Variants in UNC45A observed in about 807,000 individuals in gnomAD.
UNC45A encodes the protein protein unc-45 homolog A.
Under a neutral mutation model 103.2 loss-of-function variants are expected in UNC45A, and 78 were observed. That is an observed-to-expected ratio of 0.76 (90% CI 0.63 to 0.91). The LOEUF (loss-of-function observed/expected upper bound fraction) is 0.91. Among genes scored for constraint, UNC45A ranks in the 40% least tolerant of loss-of-function variants. The pLI is 0.00. For synonymous variants in UNC45A, 495 were observed against 504.6 expected, an observed-to-expected ratio of 0.98 and a Z score of 0.25; for missense variants, 1,193 against 1,224.8, an observed-to-expected ratio of 0.97 and a Z score of 0.39.
chr15:90,942,766 T>A, intron 7 of UNC45A, 146 bp from the exon 8 acceptor site: 2 of 1,480,530 alleles, frequency 1.4e-6, no homozygotes, highest in Non-Finnish European at 1.8e-6. Flanking sequence ...GCAACCAAGG[T>A]GCCTCAGGAC....
intron 13 of UNC45A, 81 bp downstream of exon 13, chr15:90,948,875 CTTTTTTTTTTT>C (rs5814443): frequency 5.7e-5 from 56 of 985,244 alleles, no homozygotes; most frequent in Non-Finnish European, 7.3e-5. Flanking sequence ...AACAACCTCC[CTTTTTTTTTTT>C]TTTTTTTTTT....
chr15:90,939,877 A>ATAGCACCCTTCACCCATG (rs3841498), intron 5 of UNC45A, 54 bp downstream of exon 5: 83,837 of 1,555,170 alleles, frequency 0.054, 10,061 homozygotes, highest in East Asian at 0.41. Flanking sequence ...CCACCCATCC[A>ATAGCACCCTTCACCCATG]TAGGCCCCCG....
intron 2 of UNC45A, 92 bp from the exon 3 acceptor site, chr15:90,935,854 G>C: frequency 1.3e-6 from 2 of 1,593,986 alleles, no homozygotes; most frequent in Admixed American, 1.7e-5. Context: ...GGGGGATCGG[G>C]TGACCTTGGA....
intron 6 of UNC45A, among the ~76,000 whole-genome samples, chr15:90,942,074 C>A (rs11630809): frequency 6.6e-6 from 1 of 151,946 alleles, no homozygotes; most frequent in African/African-American, 2.4e-5. Context: ...AGGGTTTAGA[C>A]TGGGGAAGAA....
Position 90,953,651 on chromosome 15 carries a change from G to A in UNC45A, c.2770G>A (p.Ala924Thr). The A allele has an allele frequency of 6.2e-7, 1 of 1,614,152 alleles. No homozygotes were observed. Among genetic ancestry groups the A allele is most frequent in the East Asian group, 2.2e-5 (1 of 44,888 alleles). ...TGACCACAGCCCTGTCACAAGGGCT[G>A]CTGCAGCCTGCCTGGACAAAGCAGT... is the stretch of plus-strand genomic sequence containing the variant. ...KGDHSPVTRAAAACLDKAVEY... is the reference protein window; with the variant it reads ...KGDHSPVTRATAACLDKAVEY... The change falls in exon 20 of 20, where the codon GCT (alanine) becomes ACT (threonine). Residue 924 changes from alanine to threonine, a missense_variant. By Grantham distance (58) the Ala-to-Thr change is moderately conservative (BLOSUM62 0). Coordinates refer to ENST00000418476, the MANE Select transcript of UNC45A (RefSeq NM_018671.5).
In UNC45A at chr15:90,940,291, C is replaced by G; in HGVS notation, c.520-15C>G. On this transcript the variant is annotated splice_polypyrimidine_tract_variant and intron_variant, in intron 5 of 19. Transcript: ENST00000418476. ...TGTGCAGTGTCAACATTATAATGTG[C>G]TTCCTTTGACGCAGGCTTCTCAGAA... 2.5e-6 allele frequency: 4 copies of G among 1,608,210 alleles called. No homozygotes were observed. Among genetic ancestry groups the G allele is most frequent in the Non-Finnish European group, 2.5e-6 (3 of 1,176,610 alleles).
chr15:90,933,844 G>A (rs915204023), upstream of UNC45A: 9 of 390,326 alleles, frequency 2.3e-5, no homozygotes, highest in Admixed American at 4.5e-5. Flanking sequence ...CAGGCCCCAC[G>A]TTTTCCAACA....
intron 2 of UNC45A, 116 bp downstream of exon 2, chr15:90,935,821 T>C: frequency 6.5e-7 from 1 of 1,548,674 alleles, no homozygotes; most frequent in Non-Finnish European, 8.7e-7. Flanking sequence ...GCTTGCCAGA[T>C]GTTTTTTGCA....
intron 6 of UNC45A, 136 bp from the exon 7 acceptor site, chr15:90,942,301 G>C (rs2036332263): frequency 4.0e-6 from 4 of 990,956 alleles, no homozygotes; most frequent in Non-Finnish European, 6.0e-6. Context: ...CATCCATTCT[G>C]TGTTGTTTTC....
chr15:90,942,352 C>A (rs12907667), intron 6 of UNC45A, 85 bp from the exon 7 acceptor site: 3 of 1,477,080 alleles, frequency 2.0e-6, no homozygotes, highest in African/African-American at 1.4e-5. Context: ...TCCTTCTGGC[C>A]GTATCCTCTA....
upstream of UNC45A, chr15:90,933,246 CCTATTTCAGTCT>C (rs1423328017): frequency 1.3e-5 from 2 of 152,258 alleles, no homozygotes; most frequent in African/African-American, 4.8e-5. Context: ...TATGAGAGCT[CCTATTTCAGTCT>C]CTAGGCATCT....
upstream of UNC45A, chr15:90,931,398 T>G: frequency 1.3e-6 from 2 of 1,579,084 alleles, no homozygotes; most frequent in South Asian, 2.3e-5. Flanking sequence ...CTCGATGTTC[T>G]GACCATCCTG....
Position 90,949,333 on chromosome 15 carries a change from G to A in UNC45A, c.1896G>A (p.Val632=), listed in dbSNP as rs2036759497. The part of the protein sequence containing the change: ...EQHPKDKPSF[V]RARVKKLLAA... The stretch of plus-strand genomic sequence containing the variant: ...TCCCCCAGGACAAGCCAAGCTTCGT[G>A]CGGGCTCGGGTGAAGAAGCTGCTGG... The change falls in exon 14 of 20, where the codon GTG becomes GTA. Residue 632 remains valine, a synonymous_variant. Coordinates refer to ENST00000418476, the MANE Select transcript of UNC45A (RefSeq NM_018671.5). 2 of 1,612,620 alleles carry A rather than the reference G, an allele frequency of 1.2e-6. No homozygotes were observed. The highest frequency in any genetic ancestry group is 1.3e-5 in the African/African-American group (1 of 74,920).
At chr15:90,932,008 C>A (rs368232713), upstream of UNC45A, 16 of 1,613,776 alleles carry the variant, frequency 9.9e-6, 1 homozygote, top group Middle Eastern at 2.0e-3. Flanking sequence ...CTGAATGGGG[C>A]CCCTAATCCC....
Position 90,945,846 on chromosome 15 carries a change from T to A in UNC45A, c.1200-768T>A, listed in dbSNP as rs562982008. Among the ~76,000 whole-genome samples, 11 of 148,616 alleles carry A rather than the reference T, an allele frequency of 7.4e-5. 1 individual carries two copies. In the East Asian group the frequency reaches 2.4e-3, roughly 32 times the overall value. On this transcript the variant is annotated intron_variant, in intron 9 of 19. Transcript: ENST00000418476. The stretch of plus-strand genomic sequence containing the variant: ...TGGGGTTTCACCATGTTGGCCAGGC[T>A]GGTCTCGAACTCCTGACCTCACACC...
intron 9 of UNC45A, among the ~76,000 whole-genome samples, chr15:90,946,253 CAAAA>C (rs60118193): frequency 1.8e-4 from 19 of 104,682 alleles, no homozygotes; most frequent in African/African-American, 2.7e-4. Flanking sequence ...GACTCTGTCT[CAAAA>C]AAAAAAAAAA....
At position 90,936,431 on chromosome 15, in the gene UNC45A, C is replaced by A. The variant is rs549730654; in HGVS notation, c.397C>A (p.Arg133=). The A allele has an allele frequency of 1.2e-6, 2 of 1,614,128 alleles. No homozygotes were observed. The highest frequency in any genetic ancestry group is 1.7e-6 in the Non-Finnish European group (2 of 1,180,024). The change falls in exon 4 of 20, where the codon CGG becomes AGG. Residue 133 remains arginine (R), a synonymous_variant. Coordinates refer to ENST00000418476, the MANE Select transcript of UNC45A (RefSeq NM_018671.5). ...GAACAAAGTTTTCCAGGAGGCCTTGCGGAACATCGGGGGCCAGATTCAGGA... is the reference window on the plus strand; with the variant it reads ...GAACAAAGTTTTCCAGGAGGCCTTGAGGAACATCGGGGGCCAGATTCAGGA... ...PKNKVFQEAL[R]NIGGQIQEKV...
At position 90,936,330 on chromosome 15, in the gene UNC45A, G is replaced by T. The variant is rs2036019092; in HGVS notation, c.296G>T (p.Ser99Ile). ...GATGTCAAAGCACTCTACCGGCGGA[G>T]CCAAGCCCTAGAGAAGCTGGGCCGC... Reference protein sequence around the residue: ...GGDVKALYRRSQALEKLGRLD... With the variant: ...GGDVKALYRRIQALEKLGRLD... Residue 99 changes from serine (S) to isoleucine (I), a missense_variant, in exon 4 of 20, where the codon AGC (serine) becomes ATC (isoleucine). Ser to Ile is a moderately radical substitution (Grantham distance 142). Coordinates refer to ENST00000418476, the MANE Select transcript of UNC45A (RefSeq NM_018671.5). 6.2e-7 allele frequency: 1 copy of T among 1,614,066 alleles called. No individual in the cohort carries two copies. The highest frequency in any genetic ancestry group is 1.3e-5 in the African/African-American group (1 of 74,938).
upstream of UNC45A, chr15:90,931,198 AC>A: frequency 6.6e-7 from 1 of 1,504,682 alleles, no homozygotes; most frequent in South Asian, 1.2e-5. Context: ...CTCAGGAGAC[AC>A]AGAAAAGATG....
Sources: allele counts gnomAD v4.1 joint callset (sites outside exome capture counted in the v4.1 genomes callset), GRCh38; gene constraint gnomAD v4.1.1; transcripts MANE v1.5; gene names NCBI Gene and HGNC (gene_info 2026-07-23, HGNC 2026-07-21).